Variants in UBE2E2 observed in about 807,000 individuals in gnomAD.
UBE2E2 encodes the protein ubiquitin conjugating enzyme E2 E2.
A neutral mutation model predicts 24.7 loss-of-function variants in UBE2E2; 6 were observed. The observed-to-expected ratio is 0.24, with a 90% CI of 0.13 to 0.48. The LOEUF is 0.48. Among genes scored for constraint, UBE2E2 ranks in the 20% least tolerant of loss-of-function variants. The probability of loss-of-function intolerance (pLI) is 0.99; values close to 1 mark genes in which losing one functional copy is unlikely to be tolerated. For synonymous variants in UBE2E2, 104 were observed against 83.6 expected (o/e 1.24, Z -1.33); for missense variants, 169 against 245.0 (o/e 0.69, Z 2.07).
At chr3:23,365,940 G>A (rs1030603697) in intron 3 of UBE2E2, among the ~76,000 whole-genome samples, 1 of 152,098 alleles carries the variant, frequency 6.6e-6, no homozygotes, top group African/African-American at 2.4e-5. Context: ...ACTGAATAGA[G>A]AGCTCAGAAA....
At chr3:23,268,240 C>T (rs1165991170) in intron 3 of UBE2E2, among the ~76,000 whole-genome samples, 1 of 147,438 alleles carries the variant, frequency 6.8e-6, no homozygotes, top group Non-Finnish European at 1.5e-5. Flanking sequence ...AAAGGGTATT[C>T]AATTAGGAAA....
chr3:23,301,954 A>G (rs559969392), intron 3 of UBE2E2, among the ~76,000 whole-genome samples: 4 of 146,604 alleles, frequency 2.7e-5, no homozygotes, highest in African/African-American at 1.1e-4. Flanking sequence ...AATGTAGTTC[A>G]TTTCTTAGTT....
rs57708620 is a variant in UBE2E2 at position 23,291,849 on chromosome 3, ATTTTTTTT to A, written c.227+74557_227+74564del. The stretch of plus-strand genomic sequence containing the variant: ...AGATGTGTGCCACCATGCCCGGCTA[ATTTTTTTT>A]TTTTTTTTTTTTTTTTTTTGAGACA... On this transcript the variant is annotated intron_variant, in intron 3 of 5. Coordinates refer to ENST00000396703, the MANE Select transcript of UBE2E2 (RefSeq NM_152653.4). 8.4e-3 allele frequency among the ~76,000 whole-genome samples: 537 copies of A among 64,028 alleles called. 10 individuals are homozygous for A. The highest frequency in any genetic ancestry group is 0.034 in the African/African-American group (482 of 14,028). The allele number at this position is 64,028 out of a possible 152,430, so 42.0% of individuals were successfully genotyped here. A position where few individuals can be genotyped will look rare whatever the true frequency, so the allele number is the denominator to read the frequency against.
chr3:23,253,404 A>G (rs1697632653), intron 3 of UBE2E2, among the ~76,000 whole-genome samples: 1 of 152,236 alleles, frequency 6.6e-6, no homozygotes, highest in Admixed American at 6.5e-5. Context: ...AAATATGGTT[A>G]GTAAACAGGC....
At chr3:23,475,283 G>A (rs1699103191) in intron 3 of UBE2E2, among the ~76,000 whole-genome samples, 1 of 152,070 alleles carries the variant, frequency 6.6e-6, no homozygotes, top group South Asian at 2.1e-4. Flanking sequence ...ACAGTTGTGA[G>A]CACTGTTGAC....
intron 3 of UBE2E2, among the ~76,000 whole-genome samples, chr3:23,322,838 G>T (rs1029255073): frequency 1.3e-5 from 2 of 151,690 alleles, no homozygotes; most frequent in African/African-American, 2.4e-5. Context: ...TCATTATTTT[G>T]TCTAGCATTA....
At chr3:23,429,705 A>T (rs904988883) in intron 3 of UBE2E2, among the ~76,000 whole-genome samples, 10 of 152,218 alleles carry the variant, frequency 6.6e-5, no homozygotes, top group African/African-American at 2.2e-4. Flanking sequence ...AGGGGAAAGT[A>T]TACTAATTGG....
chr3:23,524,865 G>GACACACACACACACACAC (rs59806964), intron 4 of UBE2E2, among the ~76,000 whole-genome samples: 96 of 147,532 alleles, frequency 6.5e-4, no homozygotes, highest in African/African-American at 2.0e-3. Context: ...CAGACACACA[G>GACACACACACACACACAC]ACACACACAC....
At chr3:23,211,204 C>A (rs1057474706) in intron 2 of UBE2E2, among the ~76,000 whole-genome samples, 1 of 152,040 alleles carries the variant, frequency 6.6e-6, no homozygotes, top group Non-Finnish European at 1.5e-5. Context: ...CTAGTGTGTT[C>A]AGAAGATTAA....
At chr3:23,411,709 G>C (rs1697500035) in intron 3 of UBE2E2, among the ~76,000 whole-genome samples, 1 of 152,080 alleles carries the variant, frequency 6.6e-6, no homozygotes, top group African/African-American at 2.4e-5. Flanking sequence ...ATCATCTTAG[G>C]CAAGCTACCT....
At chr3:23,275,390 A>G (rs781763351) in intron 3 of UBE2E2, among the ~76,000 whole-genome samples, 42 of 152,304 alleles carry the variant, frequency 2.8e-4, no homozygotes, top group Middle Eastern at 3.4e-3. Context: ...AAATAGACCA[A>G]TTGTGCCTGG....
chr3:23,381,156 T>C (rs946333954), intron 3 of UBE2E2, among the ~76,000 whole-genome samples: 1 of 152,216 alleles, frequency 6.6e-6, no homozygotes, highest in Admixed American at 6.5e-5. Context: ...TATTTTTTGT[T>C]TTTATTTTCC....
chr3:23,209,617 T>A (rs1483377803), intron 2 of UBE2E2, among the ~76,000 whole-genome samples: 1 of 152,250 alleles, frequency 6.6e-6, no homozygotes, highest in Non-Finnish European at 1.5e-5. Flanking sequence ...GTCGGAAGTA[T>A]ACATAAAAGC....
intron 3 of UBE2E2, among the ~76,000 whole-genome samples, chr3:23,276,167 C>T (rs71317828): frequency 0.039 from 5,878 of 152,002 alleles, 172 homozygotes; most frequent in Non-Finnish European, 0.066. Context: ...CATGATTTTC[C>T]ATTATTCATT....
chr3:23,357,622 C>G (rs544284373), intron 3 of UBE2E2, among the ~76,000 whole-genome samples: 1 of 152,062 alleles, frequency 6.6e-6, no homozygotes, highest in Admixed American at 6.5e-5. Context: ...CATTAATTCT[C>G]TATGGGAGCT....
rs145832724 is a variant in UBE2E2 at position 23,382,383 on chromosome 3, T to C, written c.228-117225T>C. On this transcript the variant is annotated intron_variant, in intron 3 of 5. Coordinates refer to ENST00000396703, the MANE Select transcript of UBE2E2 (RefSeq NM_152653.4). ...TTTTAGTACAGAGGGGGTTTTACCATGTTGGCCAGGCTGGTCTTGAACTCC... is the reference window on the plus strand; with the variant it reads ...TTTTAGTACAGAGGGGGTTTTACCACGTTGGCCAGGCTGGTCTTGAACTCC... Among the ~76,000 whole-genome samples the C allele has an allele frequency of 2.0e-5, 3 of 152,126 alleles. No homozygotes were observed. The East Asian group carries it at 5.8e-4, about 30-fold the overall frequency.
chr3:23,216,597 G>C (rs1696482047), intron 2 of UBE2E2, among the ~76,000 whole-genome samples: 1 of 152,086 alleles, frequency 6.6e-6, no homozygotes, highest in Admixed American at 6.6e-5. Flanking sequence ...CGCACTTTCA[G>C]CCTTTTTGTA....
At position 23,313,529 on chromosome 3, in the gene UBE2E2, C is replaced by T. The variant is rs537658137; in HGVS notation, c.227+96217C>T. 5.3e-5 allele frequency among the ~76,000 whole-genome samples: 8 copies of T among 151,546 alleles called. No individual in the cohort carries two copies. In the South Asian group the frequency reaches 1.0e-3, roughly 20 times the overall value. On this transcript the variant is annotated intron_variant, in intron 3 of 5. Coordinates refer to ENST00000396703, the MANE Select transcript of UBE2E2 (RefSeq NM_152653.4). ...CTTCCTGAGTAGCTGGGATTACAGGCGCATACCACCATACCTGGCTAATTT... is the reference window on the plus strand; with the variant it reads ...CTTCCTGAGTAGCTGGGATTACAGGTGCATACCACCATACCTGGCTAATTT...
intron 3 of UBE2E2, among the ~76,000 whole-genome samples, chr3:23,349,814 TAAAC>T (rs1419670698): frequency 6.6e-6 from 1 of 152,156 alleles, no homozygotes; most frequent in East Asian, 1.9e-4. Flanking sequence ...AGGGCACAGA[TAAAC>T]AAAAAGACAG....
Sources: allele counts gnomAD v4.1 joint callset (sites outside exome capture counted in the v4.1 genomes callset), GRCh38; gene constraint gnomAD v4.1.1; transcripts MANE v1.5; gene names NCBI Gene and HGNC (gene_info 2026-07-23, HGNC 2026-07-21).